Variants in TBX5 observed in about 807,000 individuals in gnomAD.
TBX5 encodes the protein T-box transcription factor 5, also known as T-box transcription factor TBX5.
Under a neutral mutation model 51.1 loss-of-function variants are expected in TBX5, and 8 were observed. The observed-to-expected ratio is 0.16, with a 90% CI of 0.09 to 0.28. The LOEUF is 0.28. TBX5 is among the 10% of genes least tolerant of loss of function. The probability of loss-of-function intolerance (pLI) is 1.00; values close to 1 mark genes in which losing one functional copy is unlikely to be tolerated. For synonymous variants in TBX5, 302 were observed against 266.4 expected (o/e 1.13, Z -1.30); for missense variants, 589 against 671.7 (o/e 0.88, Z 1.36).
intron 8 of TBX5, among the ~76,000 whole-genome samples, chr12:114,357,953 T>C (rs1593838759): frequency 6.6e-6 from 1 of 152,232 alleles, no homozygotes; most frequent in East Asian, 1.9e-4. Context: ...ATCAGAGCTA[T>C]TATTTATTGA....
chr12:114,363,124 C>T (rs1240423058), intron 8 of TBX5, among the ~76,000 whole-genome samples: 2 of 152,176 alleles, frequency 1.3e-5, no homozygotes, highest in African/African-American at 4.8e-5. Context: ...GATCTCATTT[C>T]CCCTCATCAC....
chr12:114,363,058 C>T (rs559681428), intron 8 of TBX5, among the ~76,000 whole-genome samples: 1 of 152,344 alleles, frequency 6.6e-6, no homozygotes, highest in African/African-American at 2.4e-5. Context: ...GTGGCAAGCA[C>T]ATGTTCATTG....
intron 8 of TBX5, among the ~76,000 whole-genome samples, chr12:114,363,783 C>T (rs2136370300): frequency 6.6e-6 from 1 of 152,310 alleles, no homozygotes; most frequent in East Asian, 1.9e-4. Context: ...AGCATCTACT[C>T]CATAGTGTTG....
chr12:114,355,993 C>T lies in TBX5; in HGVS notation c.1096G>A (p.Ala366Thr). The change falls in exon 9 of 9, where the codon GCC becomes ACC. Residue 366 changes from alanine to threonine, a missense_variant. By Grantham distance (58) the Ala-to-Thr change is moderately conservative. This residue lies in a region of TBX5 where 348 missense variants were observed against 360.4 expected (regional missense o/e 0.97). Coordinates refer to ENST00000405440, the MANE Select transcript of TBX5 (RefSeq NM_181486.4). The stretch of plus-strand genomic sequence containing the variant: ...TGTGCCGACTCTGTCCTGTAGGAGG[C>T]ACCCAGGCCCTGCTGCTGTGGATAG... Reference protein sequence around the residue: ...SSYPQQQGLGASYRTESAQRQ... With the variant: ...SSYPQQQGLGTSYRTESAQRQ... 6.2e-7 allele frequency: 1 copy of T among 1,614,124 alleles called. No homozygotes were observed. Among genetic ancestry groups the T allele is most frequent in the Admixed American group, 1.7e-5 (1 of 60,022 alleles).
chr12:114,403,928 G>T lies in TBX5; in HGVS notation c.-30C>A. 6.2e-7 allele frequency: 1 copy of T among 1,606,540 alleles called. No homozygotes were observed. Among genetic ancestry groups the T allele is most frequent in the Non-Finnish European group, 8.5e-7 (1 of 1,179,472 alleles). ...CGCCCAGGGCCCTGTGCCCGCGCAA[G>T]GTTCTGCTCTGAGGACAAGAAGCAG... On this transcript the variant is annotated 5_prime_UTR_variant, in exon 2 of 9. Transcript: ENST00000405440.
intron 3 of TBX5, among the ~76,000 whole-genome samples, chr12:114,400,441 G>A (rs574644111): frequency 1.3e-5 from 2 of 152,216 alleles, no homozygotes; most frequent in African/African-American, 4.8e-5. Context: ...GCGCCCTGGC[G>A]CACTCCAAAT....
intron 5 of TBX5, among the ~76,000 whole-genome samples, chr12:114,396,203 G>C (rs1464935949): frequency 6.6e-6 from 1 of 151,850 alleles, no homozygotes; most frequent in African/African-American, 2.4e-5. Flanking sequence ...GCCCGACCCC[G>C]GGCCGCGCGT....
chr12:114,403,360 C>T lies in TBX5; in HGVS notation c.147+392G>A, dbSNP rs183939090. Among the ~76,000 whole-genome samples the T allele has an allele frequency of 3.2e-3, 494 of 152,338 alleles. 4 individuals are homozygous for T. Among genetic ancestry groups the T allele is most frequent in the African/African-American group, 0.011 (474 of 41,570 alleles). ...AGCCATCGCTCATGCCGGCCTGAAT[C>T]GGCCGCTGACCTGGCCCTTATTAAG... On this transcript the variant is annotated intron_variant, in intron 2 of 8. Transcript: ENST00000405440.
chr12:114,390,877 G>A (rs61225416), intron 6 of TBX5, among the ~76,000 whole-genome samples: 36,942 of 152,080 alleles, frequency 0.24, 4,785 homozygotes, highest in South Asian at 0.34. Context: ...CAGAATGAAC[G>A]TCGCTGGGGA....
At chr12:114,370,538 C>T (rs1473513580) in intron 7 of TBX5, among the ~76,000 whole-genome samples, 1 of 152,092 alleles carries the variant, frequency 6.6e-6, no homozygotes, top group African/African-American at 2.4e-5. Flanking sequence ...CTAGCATGGT[C>T]AGTTTCGGGT....
In TBX5 at chr12:114,355,466, TTCTC is replaced by T. The variant is rs768653470; in HGVS notation, c.*62_*65del. ...GTTCTCTTGGCTACTGTCTCTCTCCTTCTCTCTCTTTCTCCTCTCTCTCTCTCTT... is the reference window on the plus strand; with the variant it reads ...GTTCTCTTGGCTACTGTCTCTCTCCTTCTCTTTCTCCTCTCTCTCTCTCTT... On this transcript the variant is annotated 3_prime_UTR_variant, in exon 9 of 9. Transcript: ENST00000405440. 1.3e-5 allele frequency: 20 copies of T among 1,581,930 alleles called. No individual in the cohort carries two copies. Among genetic ancestry groups the T allele is most frequent in the Non-Finnish European group, 1.6e-5 (19 of 1,158,346 alleles).
intron 6 of TBX5, among the ~76,000 whole-genome samples, chr12:114,394,251 G>A (rs1438640801): frequency 1.3e-5 from 2 of 152,172 alleles, no homozygotes; most frequent in Non-Finnish European, 2.9e-5. Context: ...GGAAGTCAAG[G>A]CTGCAGTGAG....
At chr12:114,395,774 G>T (rs1871381398) in intron 5 of TBX5, among the ~76,000 whole-genome samples, 1 of 152,066 alleles carries the variant, frequency 6.6e-6, no homozygotes, top group South Asian at 2.1e-4. Flanking sequence ...GGACAAGAGG[G>T]GTCCTAACTG....
chr12:114,403,706 T>G (rs1871986908), intron 2 of TBX5, 46 bp downstream of exon 2: 2 of 1,600,888 alleles, frequency 1.2e-6, no homozygotes, highest in Non-Finnish European at 8.5e-7. Flanking sequence ...AGCCAGACTC[T>G]GACTTTGATC....
chr12:114,389,347 T>C (rs1164043400), intron 6 of TBX5, among the ~76,000 whole-genome samples: 3 of 152,188 alleles, frequency 2.0e-5, no homozygotes, highest in Non-Finnish European at 4.4e-5. Flanking sequence ...AAACCCAACA[T>C]CTAATGGGAC....
rs1209475276 is a variant in TBX5, at chr12:114,355,625, G to A, written c.1464C>T (p.Leu488=). 1.9e-6 allele frequency: 3 copies of A among 1,614,074 alleles called. No homozygotes were observed. In the African/African-American group the frequency reaches 4.0e-5, roughly 22 times the overall value. The part of the protein sequence containing the change: ...SPGTLQPPEF[L]YSHGVPRTLS... The stretch of plus-strand genomic sequence containing the variant: ...GAGTCCTTGGCACGCCATGAGAGTA[G>A]AGGAACTCAGGGGGCTGAAGGGTGC... The change falls in exon 9 of 9, where the codon CTC becomes CTT. Residue 488 remains leucine, a synonymous_variant. Coordinates refer to ENST00000405440, the MANE Select transcript of TBX5 (RefSeq NM_181486.4).
intron 6 of TBX5, among the ~76,000 whole-genome samples, chr12:114,392,730 T>C (rs1871229279): frequency 6.6e-6 from 1 of 152,164 alleles, no homozygotes; most frequent in Admixed American, 6.5e-5. Context: ...CTATTTTTTT[T>C]TTCCTGTGAC....
At chr12:114,369,861 T>C (rs1869758903) in intron 7 of TBX5, among the ~76,000 whole-genome samples, 1 of 151,928 alleles carries the variant, frequency 6.6e-6, no homozygotes, top group African/African-American at 2.4e-5. Context: ...TGCCTCCTAA[T>C]GTTCCAGCCA....
chr12:114,367,257 G>GAAAGAAAAGAGAAAGAAAGAAAGA (rs143414934), intron 7 of TBX5, among the ~76,000 whole-genome samples: 2 of 150,778 alleles, frequency 1.3e-5, no homozygotes, highest in African/African-American at 2.4e-5. Flanking sequence ...AAAAAGGAAA[G>GAAAGAAAAGAGAAAGAAAGAAAGA]AAAGAAAAGA....
Sources: allele counts gnomAD v4.1 joint callset (sites outside exome capture counted in the v4.1 genomes callset), GRCh38; gene constraint gnomAD v4.1.1; regional missense constraint gnomAD v4.1.1; transcripts MANE v1.5; gene names NCBI Gene and HGNC (gene_info 2026-07-23, HGNC 2026-07-21).